The following PKP4 variants were observed in gnomAD, a reference collection of about 807,000 sequenced individuals.
PKP4 encodes plakophilin-4.
Under a neutral mutation model 145.1 loss-of-function variants are expected in PKP4, and 90 were observed. The ratio of observed to expected loss-of-function variants is 0.62; its 90% CI spans 0.52 to 0.74. The LOEUF is 0.74. PKP4 is among the 30% of genes least tolerant of loss of function. The pLI is 0.00. For synonymous variants in PKP4, 563 were observed against 577.2 expected, an observed-to-expected ratio of 0.98 and a Z score of 0.35; for missense variants, 1,340 against 1,482.7, an observed-to-expected ratio of 0.90 and a Z score of 1.58.
intron 2 of PKP4, 144 bp downstream of exon 2, chr2:158,533,460 T>TCA: frequency 2.6e-5 from 25 of 968,200 alleles, no homozygotes; most frequent in Non-Finnish European, 3.4e-5. Flanking sequence ...CTGAGTACAT[T>TCA]GGGATGACTG....
intron 2 of PKP4, among the ~76,000 whole-genome samples, chr2:158,571,975 T>C (rs1297390651): frequency 6.6e-6 from 1 of 152,194 alleles, no homozygotes; most frequent in African/African-American, 2.4e-5. Context: ...TCCTAATACT[T>C]CTGTTTGAAA....
chr2:158,564,915 AT>A (rs2046848379), intron 2 of PKP4, among the ~76,000 whole-genome samples: 1 of 152,274 alleles, frequency 6.6e-6, no homozygotes, highest in Non-Finnish European at 1.5e-5. Flanking sequence ...GCAGGGTTTT[AT>A]TTGATTTGAG....
Position 158,631,957 on chromosome 2 carries a change from G to C in PKP4, c.1342+16G>C. ...ACAGGTTCAGGTGGGCATCAACTCT[G>C]TTTACTGGTTTCCTGATTTCATAGG... On this transcript the variant is annotated intron_variant, in intron 8 of 21. Transcript: ENST00000389759. 6.2e-7 allele frequency: 1 copy of C among 1,610,424 alleles called. No homozygotes were observed. The highest frequency in any genetic ancestry group is 1.7e-5 in the Admixed American group (1 of 59,996).
At chr2:158,606,634 GTTACATACAGTTTTT>G (rs2050681154) in intron 4 of PKP4, among the ~76,000 whole-genome samples, 1 of 152,202 alleles carries the variant, frequency 6.6e-6, no homozygotes, top group South Asian at 2.1e-4. Flanking sequence ...GCATTTGTGT[GTTACATACAGTTTTT>G]TTACCTTTTG....
intron 9 of PKP4, among the ~76,000 whole-genome samples, chr2:158,635,340 C>G (rs2053718136): frequency 6.6e-6 from 1 of 152,152 alleles, no homozygotes. Context: ...TTCTGCTACT[C>G]CTGGTTTGCC....
intron 3 of PKP4, among the ~76,000 whole-genome samples, chr2:158,583,393 T>G (rs1035336226): frequency 5.3e-5 from 8 of 152,094 alleles, no homozygotes; most frequent in African/African-American, 1.9e-4. Context: ...GACCGTATTC[T>G]TACTCCGTAT....
At chr2:158,640,959 G>A (rs2054230108) in intron 10 of PKP4, among the ~76,000 whole-genome samples, 200 bp downstream of exon 10, 1 of 152,184 alleles carries the variant, frequency 6.6e-6, no homozygotes, top group Non-Finnish European at 1.5e-5. Context: ...TTCTTGGAGT[G>A]CTTTCAGCAT....
intron 4 of PKP4, among the ~76,000 whole-genome samples, chr2:158,611,717 T>C (rs1478566056): frequency 5.3e-5 from 8 of 152,204 alleles, no homozygotes; most frequent in Non-Finnish European, 1.5e-5. Context: ...TCAGCAATCA[T>C]GTATAAAGGA....
chr2:158,678,282 T>C (rs541054159), intron 20 of PKP4, among the ~76,000 whole-genome samples: 1 of 152,252 alleles, frequency 6.6e-6, no homozygotes, highest in South Asian at 2.1e-4. Context: ...CTCCCACATG[T>C]GAGCAGAGCT....
Position 158,680,599 on chromosome 2 carries a change from T to C in PKP4, c.3501T>C (p.Asn1167=). 6.2e-7 allele frequency: 1 copy of C among 1,613,932 alleles called. No individual in the cohort carries two copies. The highest frequency in any genetic ancestry group is 8.5e-7 in the Non-Finnish European group (1 of 1,179,848). ...AGTATGGACTGAAATCGACCACAAA[T>C]TATGTAGACTTTTATTCCACTAAAC... ...STQYGLKSTT[N]YVDFYSTKRP... The change falls in exon 22 of 22, where the codon AAT becomes AAC. Residue 1167 remains asparagine (N), a synonymous_variant. Transcript: ENST00000389759.
intron 1 of PKP4, among the ~76,000 whole-genome samples, chr2:158,460,567 C>G (rs1014704698): frequency 6.6e-6 from 1 of 152,172 alleles, no homozygotes; most frequent in Non-Finnish European, 1.5e-5. Flanking sequence ...TCTTACCTGA[C>G]TCTTTTGAAA....
chr2:158,639,737 A>G (rs987415161), intron 9 of PKP4, among the ~76,000 whole-genome samples: 5 of 152,212 alleles, frequency 3.3e-5, no homozygotes, highest in African/African-American at 1.2e-4. Context: ...ATAAAAGTAT[A>G]TATACATAGC....
At chr2:158,584,953 A>G (rs1434399031) in intron 3 of PKP4, among the ~76,000 whole-genome samples, 1 of 152,124 alleles carries the variant, frequency 6.6e-6, no homozygotes, top group East Asian at 1.9e-4. Context: ...ATTTGATTTT[A>G]CAAATCGTAG....
intron 2 of PKP4, among the ~76,000 whole-genome samples, chr2:158,570,718 A>T (rs2047349192): frequency 6.6e-6 from 1 of 152,182 alleles, no homozygotes; most frequent in Non-Finnish European, 1.5e-5. Flanking sequence ...GCAGATAAAC[A>T]TTTCTAAAAA....
chr2:158,460,131 C>T (rs983162554), intron 1 of PKP4, among the ~76,000 whole-genome samples: 2 of 151,980 alleles, frequency 1.3e-5, no homozygotes, highest in African/African-American at 4.8e-5. Flanking sequence ...GATAAGGGAG[C>T]AGAGTATTGA....
intron 3 of PKP4, among the ~76,000 whole-genome samples, chr2:158,587,887 T>TA (rs1292163190): frequency 6.6e-6 from 1 of 151,722 alleles, no homozygotes; most frequent in Non-Finnish European, 1.5e-5. Flanking sequence ...ATTATATACA[T>TA]ATATATTAAC....
chr2:158,632,079 C>CA (rs1292278560), intron 8 of PKP4, 138 bp downstream of exon 8: 3 of 680,772 alleles, frequency 4.4e-6, no homozygotes, highest in Non-Finnish European at 5.1e-6. Context: ...GACAGCAGAT[C>CA]AATAAGCAAT....
chr2:158,576,592 C>T (rs1306328283), intron 2 of PKP4, among the ~76,000 whole-genome samples: 2 of 152,200 alleles, frequency 1.3e-5, no homozygotes, highest in Admixed American at 6.5e-5. Flanking sequence ...CACTTTGCAG[C>T]ATAGATTCAA....
At chr2:158,484,889 A>T (rs534628488) in intron 1 of PKP4, among the ~76,000 whole-genome samples, 1 of 152,348 alleles carries the variant, frequency 6.6e-6, no homozygotes, top group Admixed American at 6.5e-5. Flanking sequence ...CCAGTAGGAA[A>T]AGCTTTGCAG....
Sources: gnomAD v4.1 joint callset for allele counts (sites outside exome capture counted in the v4.1 genomes callset) on GRCh38, gnomAD v4.1.1 for gene constraint, MANE v1.5 for transcripts, NCBI Gene and HGNC (gene_info 2026-07-23, HGNC 2026-07-21) for gene names.